WLS: variants seen among roughly 807,000 people sequenced by gnomAD.
The protein encoded by WLS is Wnt ligand secretion mediator.
Under a neutral mutation model 62.8 loss-of-function variants are expected in WLS, and 23 were observed. That is an observed-to-expected ratio of 0.37 (90% CI 0.26 to 0.52). WLS has a LOEUF of 0.52. WLS is among the 20% of genes least tolerant of loss of function. The probability of loss-of-function intolerance (pLI) is 0.92; values close to 1 mark genes in which losing one functional copy is unlikely to be tolerated. For missense variants in WLS, 615 were observed against 697.3 expected (o/e 0.88, Z 1.33); for synonymous variants, 246 against 244.1 (o/e 1.01, Z -0.07).
intron 11 of WLS, among the ~76,000 whole-genome samples, chr1:68,130,866 T>C (rs1039998817): frequency 2.0e-5 from 3 of 147,194 alleles, no homozygotes; most frequent in African/African-American, 7.5e-5. Context: ...AATAATAAAA[T>C]GGTGAATGGT....
At chr1:68,199,027 T>G (rs543063471) in intron 1 of WLS, among the ~76,000 whole-genome samples, 5 of 152,058 alleles carry the variant, frequency 3.3e-5, no homozygotes, top group African/African-American at 1.2e-4. Flanking sequence ...ATTAAATCAT[T>G]AGCCCCTATT....
At chr1:68,100,168 G>A (rs1265115340) in intron 11 of WLS, among the ~76,000 whole-genome samples, 1 of 152,190 alleles carries the variant, frequency 6.6e-6, no homozygotes, top group Non-Finnish European at 1.5e-5. Flanking sequence ...TTACAGTGCA[G>A]GAAACTGCAG....
intron 11 of WLS, among the ~76,000 whole-genome samples, chr1:68,107,580 G>T (rs1177433039): frequency 6.6e-6 from 1 of 152,140 alleles, no homozygotes; most frequent in African/African-American, 2.4e-5. Flanking sequence ...ATTAACTGAA[G>T]AAATACATGT....
intron 11 of WLS, among the ~76,000 whole-genome samples, chr1:68,099,385 C>CGAGT (rs1248621791): frequency 6.6e-6 from 1 of 152,094 alleles, no homozygotes; most frequent in Non-Finnish European, 1.5e-5. Context: ...CTTGTATACT[C>CGAGT]AATAAAGTTG....
chr1:68,194,171 T>C lies in WLS; in HGVS notation c.163A>G (p.Lys55Glu). ...AACCATTTTGTCTTGTGATGGTTCT[T>C]ACGGGCATCCACACATTTCACCGAC... ...YMSVKCVDAR[K>E]NHHKTKWFVP... The change falls in exon 2 of 12, where the codon AAG (lysine) becomes GAG (glutamate). Residue 55 changes from lysine (K) to glutamate (E), a missense_variant. Lys to Glu is a moderately conservative substitution (Grantham distance 56, BLOSUM62 1). Coordinates refer to ENST00000262348, the MANE Select transcript of WLS (RefSeq NM_024911.7). 6.2e-7 allele frequency: 1 copy of C among 1,614,250 alleles called. No individual in the cohort carries two copies. The highest frequency in any genetic ancestry group is 1.1e-5 in the South Asian group (1 of 91,086).
intron 11 of WLS, among the ~76,000 whole-genome samples, chr1:68,131,233 T>C (rs1183411723): frequency 6.7e-6 from 1 of 150,314 alleles, no homozygotes; most frequent in Non-Finnish European, 1.5e-5. Flanking sequence ...CCAAAGAAAG[T>C]AAATACCCAG....
At chr1:68,164,743 G>T (rs1647036826) in intron 2 of WLS, among the ~76,000 whole-genome samples, 1 of 152,158 alleles carries the variant, frequency 6.6e-6, no homozygotes, top group Non-Finnish European at 1.5e-5. Context: ...TGACAATGGG[G>T]TGACTGGGTC....
intron 2 of WLS, among the ~76,000 whole-genome samples, chr1:68,178,778 T>C (rs1181238024): frequency 6.6e-6 from 1 of 152,070 alleles, no homozygotes; most frequent in Non-Finnish European, 1.5e-5. Context: ...AATTGTATTA[T>C]GAAGAATAAG....
chr1:68,202,506 C>T (rs1463703948), intron 1 of WLS: 5 of 152,166 alleles, frequency 3.3e-5, no homozygotes, highest in African/African-American at 1.2e-4. Context: ...CCTGCAATTT[C>T]TGTTTCTCCA....
chr1:68,143,579 A>G (rs938691349), intron 10 of WLS, among the ~76,000 whole-genome samples: 1 of 152,248 alleles, frequency 6.6e-6, no homozygotes, highest in Non-Finnish European at 1.5e-5. Flanking sequence ...CCATTGTGTT[A>G]CAATTGCCTA....
In WLS at chr1:68,128,141, A is replaced by G. The variant is rs114130488; in HGVS notation, c.1517-1806T>C. ...TGGGTAGAGAAGGCATTAAAGGGGC[A>G]TCAGTCCAGCCTCCAGCACATCCAC... is the stretch of plus-strand genomic sequence containing the variant. On this transcript the variant is annotated intron_variant, in intron 11 of 11. Coordinates refer to ENST00000262348, the MANE Select transcript of WLS (RefSeq NM_024911.7). Among the ~76,000 whole-genome samples the G allele has an allele frequency of 5.7e-3, 862 of 152,312 alleles. 5 individuals are homozygous for G. The highest frequency in any genetic ancestry group is 0.018 in the African/African-American group (728 of 41,570).
chr1:68,214,208 C>A (rs916360043), intron 1 of WLS, among the ~76,000 whole-genome samples: 9 of 151,766 alleles, frequency 5.9e-5, no homozygotes, highest in African/African-American at 2.2e-4. Context: ...CACACACACA[C>A]ACCCCATTTC....
At chr1:68,152,301 AGAT>A (rs1427787192) in intron 5 of WLS, among the ~76,000 whole-genome samples, 1 of 152,232 alleles carries the variant, frequency 6.6e-6, no homozygotes, top group Non-Finnish European at 1.5e-5. Context: ...ATCAGAGAAT[AGAT>A]GATTTTTCAG....
chr1:68,110,493 T>C (rs1192530954), intron 11 of WLS, among the ~76,000 whole-genome samples: 4 of 151,976 alleles, frequency 2.6e-5, no homozygotes, highest in Admixed American at 6.6e-5. Context: ...AAACCAAATG[T>C]CCAAGAAGAG....
chr1:68,181,209 A>G (rs1223965963), intron 2 of WLS, among the ~76,000 whole-genome samples: 1 of 152,218 alleles, frequency 6.6e-6, no homozygotes, highest in Non-Finnish European at 1.5e-5. Flanking sequence ...TGGCATTTAA[A>G]TACTGAAAGA....
intron 1 of WLS, among the ~76,000 whole-genome samples, chr1:68,204,286 A>T (rs1243104720): frequency 3.3e-5 from 5 of 152,136 alleles, no homozygotes; most frequent in African/African-American, 1.2e-4. Flanking sequence ...GGTAACTTGC[A>T]GTTTTAACAT....
Position 68,144,566 on chromosome 1 carries a change from T to C in WLS, c.1362+3A>G, listed in dbSNP as rs780233284. The C allele has an allele frequency of 5.0e-6, 8 of 1,613,030 alleles. No homozygotes were observed. Among genetic ancestry groups the C allele is most frequent in the Non-Finnish European group, 5.9e-6 (7 of 1,179,314 alleles). On this transcript the variant is annotated splice_donor_region_variant and intron_variant, in intron 10 of 11. Transcript: ENST00000262348. The stretch of plus-strand genomic sequence containing the variant: ...TCACCTTGACATCTCAGGGTCCACT[T>C]ACCTGACTAACGATGAAGAAGATGA...
intron 1 of WLS, among the ~76,000 whole-genome samples, chr1:68,200,033 T>C (rs186881808): frequency 2.0e-4 from 31 of 152,272 alleles, no homozygotes; most frequent in Non-Finnish European, 2.6e-4. Flanking sequence ...GGGGAAGGAA[T>C]GCAGAGAATA....
chr1:68,136,124 G>A (rs1646606407), intron 11 of WLS, among the ~76,000 whole-genome samples: 1 of 152,166 alleles, frequency 6.6e-6, no homozygotes, highest in Non-Finnish European at 1.5e-5. Context: ...AAGACAGACA[G>A]TGGCTGAGAC....
Sources: allele counts gnomAD v4.1 joint callset (sites outside exome capture counted in the v4.1 genomes callset), GRCh38; gene constraint gnomAD v4.1.1; transcripts MANE v1.5; gene names NCBI Gene and HGNC (gene_info 2026-07-23, HGNC 2026-07-21).